HERC2: variants seen among roughly 807,000 people sequenced by gnomAD.
HERC2 encodes HECT and RLD domain containing E3 ubiquitin protein ligase 2, also known as E3 ubiquitin-protein ligase HERC2.
Under a neutral mutation model 537.7 loss-of-function variants are expected in HERC2, and 102 were observed. That is an observed-to-expected ratio of 0.19 (90% CI 0.16 to 0.22). The LOEUF (loss-of-function observed/expected upper bound fraction) is 0.22. Ranked by LOEUF, HERC2 falls within the 10% of genes least tolerant of loss-of-function variation. HERC2 has a pLI of 1.00. For missense variants in HERC2, 4,236 were observed against 6,198.2 expected, an observed-to-expected ratio of 0.68 and a Z score of 10.63; for synonymous variants, 2,224 against 2,466.2, an observed-to-expected ratio of 0.90 and a Z score of 2.91.
intron 5 of HERC2, among the ~76,000 whole-genome samples, chr15:28,277,917 T>C (rs1403901604): frequency 1.3e-5 from 2 of 152,052 alleles, no homozygotes; most frequent in Middle Eastern, 3.2e-3. Flanking sequence ...TGATATAAAA[T>C]GGTGTAGTAT....
chr15:28,159,148 TTCTC>T (rs1893315768), intron 69 of HERC2, among the ~76,000 whole-genome samples: 1 of 152,206 alleles, frequency 6.6e-6, no homozygotes, highest in Non-Finnish European at 1.5e-5. Context: ...AACCCGACCT[TTCTC>T]TCTGGCTGCC....
chr15:28,155,784 A>G (rs1169002095), intron 69 of HERC2, among the ~76,000 whole-genome samples: 1 of 152,054 alleles, frequency 6.6e-6, no homozygotes, highest in Non-Finnish European at 1.5e-5. Context: ...CCATTTGTCA[A>G]TTTTGGCTTT....
intron 35 of HERC2, among the ~76,000 whole-genome samples, chr15:28,226,933 A>G (rs1901243101): frequency 6.6e-6 from 1 of 152,214 alleles, no homozygotes; most frequent in Non-Finnish European, 1.5e-5. Flanking sequence ...GTACACTTAT[A>G]TAGTGCATTT....
rs985631286 is a variant in HERC2, at chr15:28,133,140, A to T, written c.12231-310T>A. ...ACAGGTTTTACATTTTAACGGGTTT[A>T]AAAAAAAAAAAAAAGAATCATATGC... On this transcript the variant is annotated intron_variant, in intron 79 of 92. Coordinates refer to ENST00000261609, the MANE Select transcript of HERC2 (RefSeq NM_004667.6). 8.3e-5 allele frequency among the ~76,000 whole-genome samples: 11 copies of T among 132,100 alleles called. No individual in the cohort carries two copies. In the South Asian group the frequency reaches 2.3e-3, roughly 27 times the overall value. The allele number at this position is 132,100 out of a possible 152,430, so 86.7% of individuals were successfully genotyped here.
chr15:28,280,640 C>G (rs2075997937), intron 4 of HERC2, among the ~76,000 whole-genome samples: 1 of 152,156 alleles, frequency 6.6e-6, no homozygotes. Flanking sequence ...CACAGTGGCT[C>G]ACACCTGGAA....
rs779514776 is a variant in HERC2 at position 28,304,165 on chromosome 15, CAAAAAAAAAAA to C, written c.73-4660_73-4650del. Reference sequence around the variant, plus strand: ...TGGGCCACAGAGTGAGACTCCATCTCAAAAAAAAAAAAAAAAAAAAAAAAAAACAGAGAAAT... The same window carrying C: ...TGGGCCACAGAGTGAGACTCCATCTCAAAAAAAAAAAAAAAACAGAGAAAT... On this transcript the variant is annotated intron_variant, in intron 2 of 92. Coordinates refer to ENST00000261609, the MANE Select transcript of HERC2 (RefSeq NM_004667.6). Among the ~76,000 whole-genome samples, 115 of 63,826 alleles carry C rather than the reference CAAAAAAAAAAA, an allele frequency of 1.8e-3. 2 individuals carry two copies. The highest frequency in any genetic ancestry group is 0.018 in the Middle Eastern group (1 of 56). 41.9% of individuals were successfully genotyped at this position (63,826 alleles called of 152,430 possible).
chr15:28,246,649 G>A (rs1903735807), intron 22 of HERC2, 93 bp downstream of exon 22: 4 of 1,121,520 alleles, frequency 3.6e-6, no homozygotes, highest in South Asian at 3.9e-5. Context: ...AATTTAGAGA[G>A]TAAATGCAGG....
rs746300691 is a variant in HERC2, at chr15:28,260,909, G to A, written c.2184C>T (p.Ser728=). The change falls in exon 16 of 93, where the codon AGC becomes AGT. Residue 728 remains serine, a synonymous_variant. Coordinates refer to ENST00000261609, the MANE Select transcript of HERC2 (RefSeq NM_004667.6). The stretch of plus-strand genomic sequence containing the variant: ...CGTTGCTCCCCCAGCTGTGGACCTC[G>A]CTGTCCTCAGTCAGAGCCAGGCAGT... ...STHCLALTED[S]EVHSWGSNDQ... is the part of the protein sequence containing the mutation. 9.3e-6 allele frequency: 15 copies of A among 1,614,164 alleles called. No homozygotes were observed. Among genetic ancestry groups the A allele is most frequent in the East Asian group, 2.2e-5 (1 of 44,878 alleles).
chr15:28,289,171 G>A (rs1031614297), intron 4 of HERC2, among the ~76,000 whole-genome samples: 6 of 152,072 alleles, frequency 3.9e-5, no homozygotes, highest in African/African-American at 9.6e-5. Flanking sequence ...TTGCCAGGGT[G>A]AATAAAGAAG....
chr15:28,317,675 C>G (rs1437050261), intron 2 of HERC2, among the ~76,000 whole-genome samples: 6 of 152,188 alleles, frequency 3.9e-5, no homozygotes, highest in South Asian at 2.1e-4. Context: ...GCAGGAGAGA[C>G]ATCTTTGTAG....
At chr15:28,180,748 C>A (rs926843504) in intron 57 of HERC2, among the ~76,000 whole-genome samples, 1 of 152,166 alleles carries the variant, frequency 6.6e-6, no homozygotes, top group African/African-American at 2.4e-5. Context: ...TTTTATTGCA[C>A]GTGTACTAAA....
intron 3 of HERC2, among the ~76,000 whole-genome samples, chr15:28,297,459 G>A (rs1473301498): frequency 6.6e-6 from 1 of 151,706 alleles, no homozygotes; most frequent in Non-Finnish European, 1.5e-5. Flanking sequence ...ACATTGACAT[G>A]GAAAAGAGAT....
intron 65 of HERC2, among the ~76,000 whole-genome samples, 193 bp from the exon 66 acceptor site, chr15:28,169,848 A>G (rs942239928): frequency 6.6e-6 from 1 of 152,218 alleles, no homozygotes; most frequent in Non-Finnish European, 1.5e-5. Flanking sequence ...TAAAGAAGCT[A>G]TTTTCAGCAT....
At chr15:28,167,300 C>G (rs919244766) in intron 68 of HERC2, among the ~76,000 whole-genome samples, 1 of 152,148 alleles carries the variant, frequency 6.6e-6, no homozygotes, top group African/African-American at 2.4e-5. Flanking sequence ...AATTCTGCAC[C>G]GTTCCTGTGG....
chr15:28,292,830 T>C, intron 4 of HERC2, 58 bp downstream of exon 4: 1 of 1,541,270 alleles, frequency 6.5e-7, no homozygotes, highest in Non-Finnish European at 8.8e-7. Context: ...CCATCCAAGT[T>C]ATTTAGAAAG....
chr15:28,231,138 CT>C (rs530345050), intron 30 of HERC2, among the ~76,000 whole-genome samples: 2 of 152,092 alleles, frequency 1.3e-5, no homozygotes, highest in African/African-American at 4.8e-5. Flanking sequence ...TACTTTATCT[CT>C]TTTAAAATTT....
intron 86 of HERC2, 91 bp downstream of exon 86, chr15:28,121,255 C>G: frequency 1.8e-6 from 2 of 1,142,414 alleles, no homozygotes; most frequent in Non-Finnish European, 2.6e-6. Context: ...CACAGGATGG[C>G]AGGCTACCAG....
intron 14 of HERC2, among the ~76,000 whole-genome samples, chr15:28,264,007 A>G (rs1307981460): frequency 6.7e-6 from 1 of 149,464 alleles, no homozygotes; most frequent in East Asian, 2.0e-4. Context: ...TGACAGAGCA[A>G]AACTTTGTCT....
In HERC2 at chr15:28,113,304, G is replaced by A. The variant is rs756276184; in HGVS notation, c.14020-21C>T. The A allele has an allele frequency of 6.2e-7, 1 of 1,610,706 alleles. No individual in the cohort carries two copies. Reference sequence around the variant, plus strand: ...CACACCTGCGGGAGGATGTCTGTCAGGGCCGCGTGATGCTTCCCACCCTGG... The same window carrying A: ...CACACCTGCGGGAGGATGTCTGTCAAGGCCGCGTGATGCTTCCCACCCTGG... On this transcript the variant is annotated intron_variant, in intron 91 of 92. Transcript: ENST00000261609. The surrounding 1 kb of genome is among the most constrained non-coding windows in gnomAD (Gnocchi z 7.0).
Sources: gnomAD v4.1 joint callset for allele counts (sites outside exome capture counted in the v4.1 genomes callset) on GRCh38, gnomAD v4.1.1 for gene constraint, Gnocchi (gnomAD v3.1) non-coding constraint, MANE v1.5 for transcripts, NCBI Gene and HGNC (gene_info 2026-07-23, HGNC 2026-07-21) for gene names.